Variants in GOLGA6L24 observed in about 807,000 individuals in gnomAD.
GOLGA6L24 encodes golgin subfamily A member 6-like protein 24.
the GOLGA6L24 span, among the ~76,000 whole-genome samples, chr15:28,353,346 T>G: frequency 3.4e-5 from 5 of 145,528 alleles, no homozygotes; most frequent in African/African-American, 1.3e-4. Context: ...GCCCATGGTC[T>G]CATTTGTTTT....
the GOLGA6L24 span, chr15:28,353,250 AC>A: frequency 2.0e-6 from 1 of 508,460 alleles, no homozygotes; most frequent in African/African-American, 2.2e-5. Context: ...TAGCTGGACG[AC>A]CAGGAACAAC....
chr15:28,353,996 CCATT>C, the GOLGA6L24 span, among the ~76,000 whole-genome samples: 3 of 128,726 alleles, frequency 2.3e-5, no homozygotes, highest in East Asian at 6.7e-4. Context: ...TTCTCTAAGC[CCATT>C]CTTCCGCTGG....
At chr15:28,354,793 A>G in the GOLGA6L24 span, 3 of 1,602,486 alleles carry the variant, frequency 1.9e-6, no homozygotes, top group East Asian at 6.7e-5. Context: ...GCTTGACAGC[A>G]TGCTGGCTGT....
chr15:28,355,245 G>A, the GOLGA6L24 span, among the ~76,000 whole-genome samples: 3 of 151,690 alleles, frequency 2.0e-5, no homozygotes, highest in East Asian at 1.9e-4. Flanking sequence ...CGGTCATGTC[G>A]TGAGCAAAGA....
At chr15:28,354,885 A>G in the GOLGA6L24 span, 1 of 1,608,056 alleles carries the variant, frequency 6.2e-7, no homozygotes, top group Non-Finnish European at 8.5e-7. Flanking sequence ...AGAAAAGACA[A>G]GCAAATGCTG....
At chr15:28,355,275 G>T in the GOLGA6L24 span, among the ~76,000 whole-genome samples, 1 of 151,348 alleles carries the variant, frequency 6.6e-6, no homozygotes, top group Non-Finnish European at 1.5e-5. Flanking sequence ...ACTTCTTCCA[G>T]CTGAGCTCGG....
the GOLGA6L24 span, chr15:28,352,549 CA>C: frequency 6.9e-6 from 1 of 145,892 alleles, no homozygotes; most frequent in Non-Finnish European, 1.2e-5. Context: ...GGGGCCAGAA[CA>C]AGGACCCAAA....
At chr15:28,354,959 T>C in the GOLGA6L24 span, 5 of 1,610,408 alleles carry the variant, frequency 3.1e-6, 1 homozygote, top group South Asian at 4.4e-5. Context: ...CACTCACCTC[T>C]AGCTCCCTCC....
chr15:28,353,419 T>C, the GOLGA6L24 span, among the ~76,000 whole-genome samples: 1 of 151,664 alleles, frequency 6.6e-6, no homozygotes, highest in African/African-American at 2.4e-5. Context: ...TTGCCCTCAC[T>C]GGAGTGCAAT....
chr15:28,354,846 T>C, the GOLGA6L24 span: 5 of 1,606,882 alleles, frequency 3.1e-6, no homozygotes, highest in South Asian at 4.4e-5. Flanking sequence ...CATGTAAGGA[T>C]TCGTATGGTT....
the GOLGA6L24 span, chr15:28,350,979 T>C: frequency 3.9e-5 from 43 of 1,093,388 alleles, 11 homozygotes; most frequent in Non-Finnish European, 5.2e-5. Context: ...TCCCGTATCT[T>C]CTCCTGCTCC....
chr15:28,353,432 C>T, the GOLGA6L24 span, among the ~76,000 whole-genome samples: 4 of 151,522 alleles, frequency 2.6e-5, no homozygotes, highest in African/African-American at 9.7e-5. Context: ...AGTGCAATGG[C>T]ACAATCTCAG....
chr15:28,353,354 T>A, the GOLGA6L24 span, among the ~76,000 whole-genome samples: 531 of 146,110 alleles, frequency 3.6e-3, no homozygotes, highest in African/African-American at 0.013. Flanking sequence ...TCTCATTTGT[T>A]TTTCTTTCTT....
chr15:28,354,980 C>G, the GOLGA6L24 span: 2 of 1,611,522 alleles, frequency 1.2e-6, no homozygotes, highest in Non-Finnish European at 1.7e-6. Flanking sequence ...TTAGGGCTTC[C>G]TGATGTTGGT....
chr15:28,348,628 GC>G, the GOLGA6L24 span, among the ~76,000 whole-genome samples: 6,157 of 55,386 alleles, frequency 0.11, no homozygotes, highest in Non-Finnish European at 0.19. Context: ...AATGTGCCCC[GC>G]CCCCAATCAA....
At chr15:28,353,678 GT>G in the GOLGA6L24 span, among the ~76,000 whole-genome samples, 1 of 149,300 alleles carries the variant, frequency 6.7e-6, no homozygotes, top group Non-Finnish European at 1.5e-5. Flanking sequence ...GCCCTCATTT[GT>G]TTTTCAAAGA....
At chr15:28,355,061 A>G in the GOLGA6L24 span, 1 of 1,606,932 alleles carries the variant, frequency 6.2e-7, no homozygotes, top group Non-Finnish European at 8.5e-7. Context: ...ATGGCACAGC[A>G]AGAGACATGC....
chr15:28,353,378 T>C, the GOLGA6L24 span, among the ~76,000 whole-genome samples: 2,752 of 144,444 alleles, frequency 0.019, 6 homozygotes, highest in Middle Eastern at 0.064. Flanking sequence ...TTCTTTCTTT[T>C]TTTTTTTTTT....
the GOLGA6L24 span, chr15:28,350,919 C>T: frequency 8.7e-6 from 5 of 574,580 alleles, 1 homozygote; most frequent in Non-Finnish European, 1.5e-5. Flanking sequence ...CCCATCTTCT[C>T]TTCCTGTTCC....
Sources: gnomAD v4.1 joint callset for allele counts (sites outside exome capture counted in the v4.1 genomes callset) on GRCh38, gnomAD v4.1.1 for gene constraint, MANE v1.5 for transcripts, NCBI Gene and HGNC (gene_info 2026-07-23, HGNC 2026-07-21) for gene names.